PALM2AKAP2: variants seen among roughly 807,000 people sequenced by gnomAD.
PALM2AKAP2 encodes PALM2-AKAP2 fusion protein.
Under a neutral mutation model 71.5 loss-of-function variants are expected in PALM2AKAP2, and 37 were observed. The observed-to-expected ratio is 0.52, with a 90% CI of 0.40 to 0.68. The LOEUF (loss-of-function observed/expected upper bound fraction) is 0.68. Among genes scored for constraint, PALM2AKAP2 ranks in the 30% least tolerant of loss-of-function variants. The probability of loss-of-function intolerance (pLI) is 0.00; values close to 1 mark genes in which losing one functional copy is unlikely to be tolerated. For synonymous variants in PALM2AKAP2, 468 were observed against 478.8 expected, an observed-to-expected ratio of 0.98 and a Z score of 0.29; for missense variants, 1,224 against 1,191.8, an observed-to-expected ratio of 1.03 and a Z score of -0.40.
At position 110,043,086 on chromosome 9, in the gene PALM2AKAP2, A is replaced by G. The variant is rs147122112; in HGVS notation, c.582+27047A>G. Among the ~76,000 whole-genome samples, 732 of 151,726 alleles carry G rather than the reference A, an allele frequency of 4.8e-3. 10 individuals carry two copies. Among genetic ancestry groups the G allele is most frequent in the African/African-American group, 0.017 (697 of 41,344 alleles). On this transcript the variant is annotated intron_variant, in intron 7 of 9. Transcript: ENST00000302798. ...CCCAGCCTCTGATAACCACCCTTCT[A>G]CCCTCTATCTTCGTGAGTTCATCCT...
At chr9:109,909,162 GCA>G (rs35019823) in intron 3 of PALM2AKAP2, among the ~76,000 whole-genome samples, 15 of 142,778 alleles carry the variant, frequency 1.1e-4, no homozygotes, top group South Asian at 2.3e-4. Context: ...ACGCGCGCAC[GCA>G]CACACACACA....
chr9:110,057,117 G>A (rs183998390), intron 1 of PALM2AKAP2, among the ~76,000 whole-genome samples: 191 of 152,172 alleles, frequency 1.3e-3, no homozygotes, highest in African/African-American at 4.4e-3. Context: ...TTGAGTGTCG[G>A]CTGGTAAGTT....
At chr9:109,843,838 G>A (rs1828775569) in intron 1 of PALM2AKAP2, among the ~76,000 whole-genome samples, 1 of 152,172 alleles carries the variant, frequency 6.6e-6, no homozygotes, top group African/African-American at 2.4e-5. Flanking sequence ...CCCGGACGAG[G>A]CCAGCTGGCT....
At chr9:109,778,037 A>G (rs935534184), upstream of PALM2AKAP2, among the ~76,000 whole-genome samples, 3 of 152,198 alleles carry the variant, frequency 2.0e-5, no homozygotes, top group Non-Finnish European at 4.4e-5. Context: ...ACTCCTTTTA[A>G]AAATTTATTG....
chr9:109,908,337 GA>G (rs1290750809), intron 3 of PALM2AKAP2, among the ~76,000 whole-genome samples: 2 of 152,192 alleles, frequency 1.3e-5, no homozygotes, highest in Non-Finnish European at 2.9e-5. Flanking sequence ...TTTGGATTGG[GA>G]GTGGTTTCAT....
At chr9:110,119,071 A>C (rs1437238781) in intron 1 of PALM2AKAP2, among the ~76,000 whole-genome samples, 1 of 152,038 alleles carries the variant, frequency 6.6e-6, no homozygotes, top group Non-Finnish European at 1.5e-5. Context: ...CAGGCCAGGC[A>C]CAGTGGTTCA....
At chr9:109,889,099 T>A (rs1474601366) in intron 3 of PALM2AKAP2, among the ~76,000 whole-genome samples, 1 of 152,200 alleles carries the variant, frequency 6.6e-6, no homozygotes, top group Non-Finnish European at 1.5e-5. Context: ...AAGATAACAT[T>A]AGTGATTCTC....
chr9:109,902,513 G>A (rs982531558), intron 3 of PALM2AKAP2, among the ~76,000 whole-genome samples: 1 of 152,262 alleles, frequency 6.6e-6, no homozygotes, highest in Admixed American at 6.5e-5. Flanking sequence ...TTGTAATGAA[G>A]TAAAAGTAGC....
chr9:109,721,646 A>C (rs1452321510), intron 1 of PALM2AKAP2, among the ~76,000 whole-genome samples: 2 of 152,146 alleles, frequency 1.3e-5, no homozygotes, highest in African/African-American at 4.8e-5. Context: ...CTATCCAAGG[A>C]TGTCTCTAAT....
intron 1 of PALM2AKAP2, among the ~76,000 whole-genome samples, chr9:109,803,839 A>G (rs1827502633): frequency 6.6e-6 from 1 of 152,228 alleles, no homozygotes; most frequent in African/African-American, 2.4e-5. Context: ...GCTCCTGCAG[A>G]GTTAAGGGAG....
chr9:109,841,166 C>T (rs1828653390), intron 1 of PALM2AKAP2, among the ~76,000 whole-genome samples: 1 of 152,044 alleles, frequency 6.6e-6, no homozygotes, highest in Non-Finnish European at 1.5e-5. Flanking sequence ...CAGATATACA[C>T]CATGGAATAC....
intron 1 of PALM2AKAP2, among the ~76,000 whole-genome samples, chr9:109,845,104 C>T (rs1420519539): frequency 6.6e-6 from 1 of 152,234 alleles, no homozygotes; most frequent in Admixed American, 6.5e-5. Context: ...ACAGCTGCCT[C>T]TGCTTACTAA....
chr9:110,163,492 C>T (rs1474409002), intron 3 of PALM2AKAP2, among the ~76,000 whole-genome samples: 1 of 152,234 alleles, frequency 6.6e-6, no homozygotes, highest in Non-Finnish European at 1.5e-5. Flanking sequence ...TCCCTCCTCC[C>T]TTACAATCTC....
At position 110,152,873 on chromosome 9, in the gene PALM2AKAP2, C is replaced by T. The variant is rs75556153; in HGVS notation, c.2570-3446C>T. ...GAGATCACAGGGCCCAGCAGAGGAGCCTGGCTGAGCTAGCTTCCCTTGATA... is the reference window on the plus strand; with the variant it reads ...GAGATCACAGGGCCCAGCAGAGGAGTCTGGCTGAGCTAGCTTCCCTTGATA... On this transcript the variant is annotated intron_variant, in intron 2 of 3. Transcript: ENST00000374525. Among the ~76,000 whole-genome samples the T allele has an allele frequency of 3.9e-5, 6 of 152,288 alleles. No homozygotes were observed. In the East Asian group the frequency reaches 1.2e-3, roughly 29 times the overall value.
intron 5 of PALM2AKAP2, among the ~76,000 whole-genome samples, chr9:109,927,938 T>C (rs1240453755): frequency 6.6e-6 from 1 of 152,156 alleles, no homozygotes; most frequent in African/African-American, 2.4e-5. Context: ...CAAAGGAAAA[T>C]GTCTGTCCTG....
At chr9:110,140,731 A>G (rs1836006713) in intron 2 of PALM2AKAP2, among the ~76,000 whole-genome samples, 1 of 151,990 alleles carries the variant, frequency 6.6e-6, no homozygotes, top group South Asian at 2.1e-4. Context: ...TTCCTCACCA[A>G]ACTTGGGCTC....
At chr9:109,714,392 T>C (rs1247048422) in intron 1 of PALM2AKAP2, among the ~76,000 whole-genome samples, 1 of 152,232 alleles carries the variant, frequency 6.6e-6, no homozygotes, top group Non-Finnish European at 1.5e-5. Context: ...AAGCCTGGGC[T>C]ACTCTGATTG....
rs79079379 is a variant in PALM2AKAP2, at chr9:110,095,428, G to A, written c.157-40699G>A. On this transcript the variant is annotated intron_variant, in intron 1 of 3. Coordinates refer to ENST00000374525, the Ensembl canonical transcript of PALM2AKAP2. ...AGTTTCACTGGGGATTGGAGGGGAG[G>A]CCCGCCTTCAACTTGAGCTGCTTGT... 6.0e-3 allele frequency among the ~76,000 whole-genome samples: 918 copies of A among 152,226 alleles called. 2 individuals carry two copies. Among genetic ancestry groups the A allele is most frequent in the Non-Finnish European group, 8.4e-3 (569 of 68,008 alleles).
chr9:110,110,612 T>C lies in PALM2AKAP2; in HGVS notation c.157-25515T>C, dbSNP rs937748570. Among the ~76,000 whole-genome samples the C allele has an allele frequency of 2.1e-5, 3 of 145,654 alleles. No homozygotes were observed. In the East Asian group the frequency reaches 6.1e-4, roughly 29 times the overall value. Reference sequence around the variant, plus strand: ...TCCAACCTGGAGTGCAGTGGTACGATCTTGGCTCACTGCAACCTCTGCCTC... The same window carrying C: ...TCCAACCTGGAGTGCAGTGGTACGACCTTGGCTCACTGCAACCTCTGCCTC... On this transcript the variant is annotated intron_variant, in intron 1 of 3. Transcript: ENST00000374525.
Sources: allele counts gnomAD v4.1 joint callset (sites outside exome capture counted in the v4.1 genomes callset), GRCh38; gene constraint gnomAD v4.1.1; transcripts MANE v1.5; gene names NCBI Gene and HGNC (gene_info 2026-07-23, HGNC 2026-07-21).